Variants in ABCB1 observed in about 807,000 individuals in gnomAD.
ABCB1 encodes ATP binding cassette subfamily B member 1.
In ABCB1, 69 loss-of-function variants were observed where a neutral mutation model predicts 142.0. The ratio of observed to expected loss-of-function variants is 0.49; its 90% CI spans 0.40 to 0.59. ABCB1 has a LOEUF of 0.59. Ranked by LOEUF, ABCB1 falls within the 20% of genes least tolerant of loss-of-function variation. The probability of loss-of-function intolerance (pLI) is 0.00; values close to 1 mark genes in which losing one functional copy is unlikely to be tolerated. For synonymous variants in ABCB1, 532 were observed against 539.2 expected (o/e 0.99, Z 0.18); for missense variants, 1,326 against 1,554.7 (o/e 0.85, Z 2.47).
intron 3 of ABCB1, among the ~76,000 whole-genome samples, chr7:87,588,760 A>G (rs182239333): frequency 1.3e-5 from 2 of 152,324 alleles, no homozygotes; most frequent in Non-Finnish European, 2.9e-5. Context: ...TGTCTTCCAC[A>G]ATGGCTGAAC....
At position 87,549,762 on chromosome 7, in the gene ABCB1, G is replaced by A. The variant is rs28381897; in HGVS notation, c.1554+89C>T. ...CCCTTCTTAGGATTTCCCTTCTTCC[G>A]ATTTATAGTAGTTTCCTAACTTCCT... On this transcript the variant is annotated intron_variant, in intron 13 of 27. Transcript: ENST00000622132. 152 of 1,483,578 alleles carry A rather than the reference G, an allele frequency of 1.0e-4. 1 individual carries two copies. In the African/African-American group the frequency reaches 1.9e-3, roughly 18 times the overall value. 91.9% of individuals were successfully genotyped at this position (1,483,578 alleles called of 1,614,324 possible). A position where few individuals can be genotyped will look rare whatever the true frequency, so the allele number is the denominator to read the frequency against.
At chr7:87,558,073 C>T (rs933468708) in intron 8 of ABCB1, among the ~76,000 whole-genome samples, 1 of 152,138 alleles carries the variant, frequency 6.6e-6, no homozygotes, top group African/African-American at 2.4e-5. Context: ...GAATCTGGAC[C>T]ACAAAGTAGG....
intron 8 of ABCB1, among the ~76,000 whole-genome samples, chr7:87,554,400 G>T (rs1218713349): frequency 6.6e-6 from 1 of 151,688 alleles, no homozygotes; most frequent in African/African-American, 2.4e-5. Flanking sequence ...GAGACAGTTT[G>T]CTCTCTGTCC....
intron 1 of ABCB1, among the ~76,000 whole-genome samples, chr7:87,673,796 G>C (rs929190482): frequency 2.0e-5 from 3 of 152,222 alleles, no homozygotes; most frequent in Non-Finnish European, 4.4e-5. Flanking sequence ...GGCTGTTTGA[G>C]TTGCCAGAGG....
At chr7:87,613,011 G>GTTTTTTTTTTTT in intron 1 of ABCB1, among the ~76,000 whole-genome samples, 1 of 134,808 alleles carries the variant, frequency 7.4e-6, no homozygotes, top group Non-Finnish European at 1.6e-5. Flanking sequence ...GTTTTGGTGG[G>GTTTTTTTTTTTT]TTTTTTTTTT....
At chr7:87,620,379 C>T (rs1193259162) in intron 1 of ABCB1, among the ~76,000 whole-genome samples, 1 of 152,112 alleles carries the variant, frequency 6.6e-6, no homozygotes, top group African/African-American at 2.4e-5. Flanking sequence ...AGGCTCGTCT[C>T]GAACTCCTGA....
chr7:87,522,042 G>C (rs1018194637), intron 21 of ABCB1: 7 of 990,764 alleles, frequency 7.1e-6, no homozygotes, highest in Non-Finnish European at 1.1e-5. Flanking sequence ...TCCAGCCAAA[G>C]AGGCAAAGCA....
rs539923655 is a variant in ABCB1 at position 87,535,079 on chromosome 7, A to G, written c.2481+1379T>C. ...ATATATCCAGAATTAATTATATCTT[A>G]TAGCCTTTTGTATAACCAAATTAGT... is the stretch of plus-strand genomic sequence containing the variant. On this transcript the variant is annotated intron_variant, in intron 20 of 27. Coordinates refer to ENST00000622132, the MANE Select transcript of ABCB1 (RefSeq NM_001348946.2). 5.9e-5 allele frequency among the ~76,000 whole-genome samples: 9 copies of G among 152,218 alleles called. No homozygotes were observed. In the East Asian group the frequency reaches 1.7e-3, roughly 29 times the overall value.
At chr7:87,584,700 A>G (rs1189734630) in intron 4 of ABCB1, among the ~76,000 whole-genome samples, 3 of 152,148 alleles carry the variant, frequency 2.0e-5, no homozygotes, top group African/African-American at 4.8e-5. Context: ...TGAGAAAACT[A>G]AAGTTATCAG....
chr7:87,522,112 C>G, intron 21 of ABCB1: 2 of 1,307,084 alleles, frequency 1.5e-6, no homozygotes, highest in East Asian at 4.6e-5. Flanking sequence ...CAACTTTGGT[C>G]GTGGAGGAAA....
intron 1 of ABCB1, among the ~76,000 whole-genome samples, chr7:87,680,932 T>C (rs1826869280): frequency 6.6e-6 from 1 of 150,656 alleles, no homozygotes; most frequent in Non-Finnish European, 1.5e-5. Context: ...TAATTGGTGA[T>C]ATGAAAGGAT....
chr7:87,660,856 A>G (rs1360798437), intron 1 of ABCB1, among the ~76,000 whole-genome samples: 1 of 151,872 alleles, frequency 6.6e-6, no homozygotes, highest in African/African-American at 2.4e-5. Flanking sequence ...TGTTTCTGAA[A>G]ATAGGAGATT....
intron 1 of ABCB1, among the ~76,000 whole-genome samples, chr7:87,675,818 T>C (rs1474237940): frequency 1.3e-5 from 2 of 151,816 alleles, no homozygotes; most frequent in East Asian, 3.9e-4. Context: ...AAAGAAAATA[T>C]AGGGGAAAAG....
At chr7:87,607,768 A>G (rs1208863739) in intron 1 of ABCB1, among the ~76,000 whole-genome samples, 4 of 152,026 alleles carry the variant, frequency 2.6e-5, no homozygotes, top group Non-Finnish European at 5.9e-5. Context: ...GCTGGCTAAA[A>G]CTTTTATTGA....
intron 1 of ABCB1, among the ~76,000 whole-genome samples, chr7:87,703,891 T>TC: frequency 9.0e-6 from 1 of 111,322 alleles, no homozygotes; most frequent in Admixed American, 9.6e-5. Context: ...TTTTCTTTTT[T>TC]TTTTTTTTTT....
intron 1 of ABCB1, among the ~76,000 whole-genome samples, chr7:87,651,593 A>G (rs1397858248): frequency 6.6e-6 from 1 of 152,146 alleles, no homozygotes; most frequent in Non-Finnish European, 1.5e-5. Flanking sequence ...GGTCTTCCTA[A>G]AGCAAACTTG....
chr7:87,702,796 T>C (rs1378892273), intron 1 of ABCB1, among the ~76,000 whole-genome samples: 1 of 152,148 alleles, frequency 6.6e-6, no homozygotes, highest in Non-Finnish European at 1.5e-5. Context: ...AGCATCACCA[T>C]GATGTTCAAA....
chr7:87,640,223 A>G (rs1584972627), intron 1 of ABCB1, among the ~76,000 whole-genome samples: 1 of 150,176 alleles, frequency 6.7e-6, no homozygotes, highest in Non-Finnish European at 1.5e-5. Context: ...ATCTTACATT[A>G]TTTTATTACC....
intron 1 of ABCB1, among the ~76,000 whole-genome samples, chr7:87,694,499 T>G (rs1029751280): frequency 2.0e-5 from 3 of 152,228 alleles, no homozygotes; most frequent in Admixed American, 2.0e-4. Flanking sequence ...ATAGTCATTA[T>G]TTTTAAATAG....
Sources: gnomAD v4.1 joint callset for allele counts (sites outside exome capture counted in the v4.1 genomes callset) on GRCh38, gnomAD v4.1.1 for gene constraint, MANE v1.5 for transcripts, NCBI Gene and HGNC (gene_info 2026-07-23, HGNC 2026-07-21) for gene names.